Variants in CNBD1 observed in about 807,000 individuals in gnomAD.
CNBD1 encodes the protein cyclic nucleotide binding domain containing 1.
CNBD1 carries 71 observed loss-of-function variants against 54.4 expected under a neutral mutation model. That is an observed-to-expected ratio of 1.30 (90% CI 1.08 to 1.59). The LOEUF is 1.59. Ranked by LOEUF, CNBD1 falls within the 40% of genes most tolerant of loss-of-function variation. The pLI, the probability that CNBD1 is intolerant of heterozygous loss-of-function variation, is 0.00. For synonymous variants in CNBD1, 182 were observed against 170.7 expected (o/e 1.07, Z -0.51); for missense variants, 659 against 518.0 (o/e 1.27, Z -2.64).
intron 10 of CNBD1, among the ~76,000 whole-genome samples, chr8:87,366,913 C>T (rs768877081): frequency 2.6e-5 from 4 of 152,016 alleles, no homozygotes; most frequent in African/African-American, 7.2e-5. Flanking sequence ...CAAGCTAAGC[C>T]TTTCTAGTGA....
intron 4 of CNBD1, among the ~76,000 whole-genome samples, chr8:86,992,212 TTAGTA>T (rs1233574185): frequency 6.6e-6 from 1 of 152,012 alleles, no homozygotes; most frequent in Admixed American, 6.5e-5. Context: ...GCATATATGT[TTAGTA>T]TAGTTAAGTC....
intron 1 of CNBD1, among the ~76,000 whole-genome samples, chr8:86,871,782 C>T (rs1291689443): frequency 1.3e-5 from 2 of 152,188 alleles, no homozygotes; most frequent in Non-Finnish European, 2.9e-5. Flanking sequence ...TCCCCAGATG[C>T]CTAGGCTGCA....
chr8:87,312,895 T>C (rs1184452641), intron 8 of CNBD1, among the ~76,000 whole-genome samples: 1 of 152,078 alleles, frequency 6.6e-6, no homozygotes, highest in Non-Finnish European at 1.5e-5. Flanking sequence ...AAGATAGAGC[T>C]ATGAGATTTG....
intron 4 of CNBD1, among the ~76,000 whole-genome samples, chr8:86,989,988 G>A (rs1213645203): frequency 6.6e-6 from 1 of 152,174 alleles, no homozygotes; most frequent in Non-Finnish European, 1.5e-5. Flanking sequence ...TTTGCCATGT[G>A]TGTATCTTCT....
intron 1 of CNBD1, among the ~76,000 whole-genome samples, chr8:86,868,979 C>G (rs1036168036): frequency 6.6e-6 from 1 of 151,992 alleles, no homozygotes; most frequent in African/African-American, 2.4e-5. Flanking sequence ...AAAGACTCGA[C>G]TGGCCCTTGC....
chr8:87,152,581 C>T (rs748612735), intron 4 of CNBD1, among the ~76,000 whole-genome samples: 2 of 152,014 alleles, frequency 1.3e-5, no homozygotes, highest in South Asian at 4.1e-4. Flanking sequence ...TCGAACCAAC[C>T]TTATATTCCT....
chr8:86,988,134 G>C (rs756809296), intron 4 of CNBD1, among the ~76,000 whole-genome samples: 21 of 108,742 alleles, frequency 1.9e-4, no homozygotes, highest in African/African-American at 7.7e-4. Context: ...GGGCATTTTT[G>C]GTTGATAGGT....
intron 10 of CNBD1, among the ~76,000 whole-genome samples, chr8:87,354,053 G>T (rs1048421647): frequency 6.6e-6 from 1 of 151,972 alleles, no homozygotes; most frequent in African/African-American, 2.4e-5. Flanking sequence ...TTGATGCAGG[G>T]GCTGCCTGAG....
intron 8 of CNBD1, among the ~76,000 whole-genome samples, chr8:87,313,189 C>T (rs187977216): frequency 3.3e-5 from 5 of 152,082 alleles, no homozygotes; most frequent in Admixed American, 1.3e-4. Context: ...ATGCTTTTTG[C>T]ACATACTACG....
chr8:86,955,294 C>G (rs544891723), intron 4 of CNBD1, among the ~76,000 whole-genome samples: 6 of 152,084 alleles, frequency 3.9e-5, no homozygotes. Flanking sequence ...AAAAAACATA[C>G]GTGTGCATGT....
At chr8:87,042,984 T>G (rs929558008) in intron 4 of CNBD1, among the ~76,000 whole-genome samples, 1 of 152,174 alleles carries the variant, frequency 6.6e-6, no homozygotes, top group African/African-American at 2.4e-5. Context: ...GGGCTGATGT[T>G]ATGGGCAATA....
rs766194464 is a variant in CNBD1 at position 87,382,763 on chromosome 8, A to C, written c.*136A>C. On this transcript the variant is annotated 3_prime_UTR_variant, in exon 11 of 11. Transcript: ENST00000518476. ...ACTACATATCCTGGATTCCCCAGGA[A>C]AGTCCCACTTTCGAATTGCCTTTCA... The C allele has an allele frequency of 1.0e-4, 54 of 531,864 alleles. No individual in the cohort carries two copies. Among genetic ancestry groups the C allele is most frequent in the Non-Finnish European group, 1.7e-4 (53 of 313,540 alleles). The allele number at this position is 531,864 out of a possible 1,614,324, so 32.9% of individuals were successfully genotyped here. A position where few individuals can be genotyped will look rare whatever the true frequency, so the allele number is the denominator to read the frequency against.
chr8:87,179,958 C>T (rs983405443), intron 4 of CNBD1, among the ~76,000 whole-genome samples: 7 of 152,144 alleles, frequency 4.6e-5, no homozygotes, highest in African/African-American at 1.7e-4. Context: ...AATTTGGAAG[C>T]TTGCCAGATA....
intron 4 of CNBD1, among the ~76,000 whole-genome samples, chr8:86,995,614 A>T (rs1054970298): frequency 3.3e-5 from 5 of 152,110 alleles, no homozygotes; most frequent in African/African-American, 1.2e-4. Flanking sequence ...AAGCACAAGG[A>T]CATTAAAGGG....
chr8:87,008,383 G>A (rs1563856256), intron 4 of CNBD1, among the ~76,000 whole-genome samples: 1 of 152,156 alleles, frequency 6.6e-6, no homozygotes. Flanking sequence ...GAATATCACA[G>A]TACTGATTTT....
chr8:87,045,722 C>CT (rs1810169398), intron 4 of CNBD1, among the ~76,000 whole-genome samples: 1 of 101,090 alleles, frequency 9.9e-6, no homozygotes, highest in Non-Finnish European at 1.8e-5. Context: ...AAGACTCCGT[C>CT]TCAAAAAAAA....
chr8:87,164,781 C>T (rs994167509), intron 4 of CNBD1, among the ~76,000 whole-genome samples: 3 of 151,642 alleles, frequency 2.0e-5, no homozygotes, highest in African/African-American at 7.2e-5. Context: ...GTGTCATTTA[C>T]ATATGCTCTA....
At chr8:86,983,582 A>G (rs531327629) in intron 4 of CNBD1, among the ~76,000 whole-genome samples, 6 of 152,216 alleles carry the variant, frequency 3.9e-5, no homozygotes, top group South Asian at 2.1e-4. Flanking sequence ...GATATGGACA[A>G]TAAAGTCCAG....
At chr8:86,979,294 G>T (rs1808413772) in intron 4 of CNBD1, among the ~76,000 whole-genome samples, 2 of 150,992 alleles carry the variant, frequency 1.3e-5, no homozygotes, top group South Asian at 4.2e-4. Context: ...GGCTGGATGT[G>T]GTGGCTCATG....
Sources: allele counts gnomAD v4.1 joint callset (sites outside exome capture counted in the v4.1 genomes callset), GRCh38; gene constraint gnomAD v4.1.1; transcripts MANE v1.5; gene names NCBI Gene and HGNC (gene_info 2026-07-23, HGNC 2026-07-21).